PIK3C3: variants seen among roughly 807,000 people sequenced by gnomAD.
The protein encoded by PIK3C3 is phosphatidylinositol 3-kinase catalytic subunit type 3, also known as PI3-kinase type 3.
A neutral mutation model predicts 126.1 loss-of-function variants in PIK3C3; 95 were observed. The observed-to-expected ratio is 0.75, with a 90% CI of 0.64 to 0.89. PIK3C3 has a LOEUF of 0.89. PIK3C3 is among the 40% of genes least tolerant of loss of function. The pLI, the probability that PIK3C3 is intolerant of heterozygous loss-of-function variation, is 0.00. For missense variants in PIK3C3, 829 were observed against 1,063.2 expected, an observed-to-expected ratio of 0.78 and a Z score of 3.06; for synonymous variants, 374 against 360.0, an observed-to-expected ratio of 1.04 and a Z score of -0.44.
chr18:42,011,180 T>C (rs553828110), intron 10 of PIK3C3, among the ~76,000 whole-genome samples: 1 of 152,342 alleles, frequency 6.6e-6, no homozygotes, highest in South Asian at 2.1e-4. Flanking sequence ...ACTTCTGAAA[T>C]GACGAATGAG....
At chr18:42,068,119 T>A (rs1489527243) in intron 24 of PIK3C3, among the ~76,000 whole-genome samples, 1 of 152,228 alleles carries the variant, frequency 6.6e-6, no homozygotes, top group South Asian at 2.1e-4. Flanking sequence ...ACACATTCAC[T>A]TAATGATTTT....
In PIK3C3 at chr18:41,970,310, A is replaced by G. The variant is rs768050919; in HGVS notation, c.402-17A>G. ...GTATTAATTTACTTCTACCCTGAACATTCTCTTTTTCCCTAGCATGTTTCG... is the reference window on the plus strand; with the variant it reads ...GTATTAATTTACTTCTACCCTGAACGTTCTCTTTTTCCCTAGCATGTTTCG... On this transcript the variant is annotated splice_polypyrimidine_tract_variant and intron_variant, in intron 3 of 24. Coordinates refer to ENST00000262039, the MANE Select transcript of PIK3C3 (RefSeq NM_002647.4). 1.9e-6 allele frequency: 3 copies of G among 1,611,026 alleles called. No homozygotes were observed. Among genetic ancestry groups the G allele is most frequent in the Middle Eastern group, 1.7e-4 (1 of 6,060 alleles).
chr18:42,034,070 T>C, intron 16 of PIK3C3, 113 bp downstream of exon 16: 1 of 649,476 alleles, frequency 1.5e-6, no homozygotes, highest in South Asian at 3.1e-5. Flanking sequence ...TAATTCTAGT[T>C]GATTTAGTAA....
chr18:41,963,641 G>GA (rs1980208308), intron 3 of PIK3C3, among the ~76,000 whole-genome samples: 1 of 152,102 alleles, frequency 6.6e-6, no homozygotes, highest in South Asian at 2.1e-4. Flanking sequence ...TATTACAAAT[G>GA]TCTTAATTTT....
intron 4 of PIK3C3, among the ~76,000 whole-genome samples, chr18:41,983,940 G>A (rs187052686): frequency 6.7e-6 from 1 of 148,990 alleles, no homozygotes; most frequent in East Asian, 1.9e-4. Flanking sequence ...AGAAGTTAGG[G>A]CTAAATTATG....
At chr18:42,074,706 C>T (rs1266480604) in intron 24 of PIK3C3, among the ~76,000 whole-genome samples, 1 of 152,098 alleles carries the variant, frequency 6.6e-6, no homozygotes, top group Non-Finnish European at 1.5e-5. Context: ...TTTATTCATA[C>T]TAACTTTCCA....
chr18:41,965,810 C>T (rs117022760), intron 3 of PIK3C3, among the ~76,000 whole-genome samples: 1,886 of 152,290 alleles, frequency 0.012, 13 homozygotes, highest in Non-Finnish European at 0.019. Flanking sequence ...ACCAAGCTGG[C>T]AGCGTGCCTA....
intron 22 of PIK3C3, among the ~76,000 whole-genome samples, chr18:42,062,480 A>G (rs1985362100): frequency 6.6e-6 from 1 of 151,874 alleles, no homozygotes; most frequent in South Asian, 2.1e-4. Context: ...AGCTATCATT[A>G]GTGTTAGTGT....
chr18:42,056,470 A>T (rs1396788308), intron 21 of PIK3C3, among the ~76,000 whole-genome samples: 1 of 152,148 alleles, frequency 6.6e-6, no homozygotes, highest in African/African-American at 2.4e-5. Flanking sequence ...ACCATGCATG[A>T]TGGCAGTTTT....
intron 19 of PIK3C3, among the ~76,000 whole-genome samples, chr18:42,043,299 A>G (rs781723923): frequency 2.0e-5 from 3 of 151,926 alleles, no homozygotes; most frequent in Non-Finnish European, 1.5e-5. Context: ...CACCATGTTG[A>G]CCAGGATGTT....
intron 14 of PIK3C3, among the ~76,000 whole-genome samples, chr18:42,028,751 C>T (rs1479640026): frequency 6.6e-6 from 1 of 152,116 alleles, no homozygotes; most frequent in African/African-American, 2.4e-5. Context: ...ACCCAGCTTC[C>T]CTTACCAGGG....
intron 4 of PIK3C3, among the ~76,000 whole-genome samples, chr18:41,979,874 C>CATTATTATTATTATT (rs60161824): frequency 0.015 from 1,978 of 132,770 alleles, 19 homozygotes; most frequent in African/African-American, 0.027. Context: ...GGAATCATGC[C>CATTATTATTATTATT]ATTATTATTA....
rs58697677 is a variant in PIK3C3, at chr18:42,084,585, C to CAAAAAA, written c.*3464_*3469dup. 2.1e-5 allele frequency: 2 copies of CAAAAAA among 96,724 alleles called. No homozygotes were observed. Among genetic ancestry groups the CAAAAAA allele is most frequent in the African/African-American group, 3.8e-5 (1 of 26,078 alleles). The allele number at this position is 96,724 out of a possible 1,614,324, so 6.0% of individuals were successfully genotyped here. A position where few individuals can be genotyped will look rare whatever the true frequency, so the allele number is the denominator to read the frequency against. ...TAGTATAGAGTAGCTAAAAACAAAC[C>CAAAAAA]AAAAAAAAAAAAAAAAAAAAAGGAA... is the stretch of plus-strand genomic sequence containing the variant. On this transcript the variant is annotated 3_prime_UTR_variant, in exon 25 of 25. Transcript: ENST00000262039.
At chr18:41,999,545 C>A (rs1180811596) in intron 9 of PIK3C3, among the ~76,000 whole-genome samples, 1 of 152,052 alleles carries the variant, frequency 6.6e-6, no homozygotes, top group Non-Finnish European at 1.5e-5. Flanking sequence ...TAAATGAATT[C>A]AGTTCAGCAA....
rs1351604495 is a variant in PIK3C3, at chr18:42,084,148, A to G, written c.*3011A>G. 1 of 152,234 alleles carries G rather than the reference A, an allele frequency of 6.6e-6. No homozygotes were observed. The highest frequency in any genetic ancestry group is 2.4e-5 in the African/African-American group (1 of 41,468). The allele number at this position is 152,234 out of a possible 1,614,324, so 9.4% of individuals were successfully genotyped here. ...CAGTAAAAACATACAGGAAAAATGA[A>G]TCTTGCCAATGCAATTGTTAACCTA... On this transcript the variant is annotated 3_prime_UTR_variant, in exon 25 of 25. Coordinates refer to ENST00000262039, the MANE Select transcript of PIK3C3 (RefSeq NM_002647.4).
intron 21 of PIK3C3, chr18:42,051,395 C>A (rs1045650512): frequency 6.6e-6 from 1 of 152,126 alleles, no homozygotes; most frequent in Non-Finnish European, 1.5e-5. Flanking sequence ...TTAAATTGGT[C>A]TCTCAAAACA....
At chr18:41,966,481 AC>A (rs2144303687) in intron 3 of PIK3C3, among the ~76,000 whole-genome samples, 1 of 151,990 alleles carries the variant, frequency 6.6e-6, no homozygotes, top group East Asian at 1.9e-4. Flanking sequence ...ATTGTTCTTT[AC>A]TTGATATCTT....
intron 10 of PIK3C3, among the ~76,000 whole-genome samples, chr18:42,010,654 C>T (rs973936420): frequency 6.6e-6 from 1 of 152,188 alleles, no homozygotes; most frequent in African/African-American, 2.4e-5. Flanking sequence ...GCACTGAAGT[C>T]GTCAGCCCCT....
At chr18:42,076,069 G>A (rs1281495916) in intron 24 of PIK3C3, among the ~76,000 whole-genome samples, 2 of 127,454 alleles carry the variant, frequency 1.6e-5, no homozygotes, top group Non-Finnish European at 3.2e-5. Flanking sequence ...TTCTCCATCA[G>A]CACTGGCTGC....
Sources: gnomAD v4.1 joint callset for allele counts (sites outside exome capture counted in the v4.1 genomes callset) on GRCh38, gnomAD v4.1.1 for gene constraint, MANE v1.5 for transcripts, NCBI Gene and HGNC (gene_info 2026-07-23, HGNC 2026-07-21) for gene names.